The following ROBO2 variants were observed in gnomAD, a reference collection of about 807,000 sequenced individuals.
ROBO2 encodes roundabout homolog 2.
In ROBO2, 53 loss-of-function variants were observed where a neutral mutation model predicts 160.8. The observed-to-expected ratio is 0.33, with a 90% CI of 0.26 to 0.41. The LOEUF (loss-of-function observed/expected upper bound fraction) is 0.41. ROBO2 is among the 10% of genes least tolerant of loss of function. The pLI, the probability that ROBO2 is intolerant of heterozygous loss-of-function variation, is 1.00. For synonymous variants in ROBO2, 664 were observed against 611.7 expected (o/e 1.09, Z -1.26); for missense variants, 1,577 against 1,722.4 (o/e 0.92, Z 1.49).
At chr3:77,166,618 G>C (rs2079104658) in intron 2 of ROBO2, among the ~76,000 whole-genome samples, 1 of 152,100 alleles carries the variant, frequency 6.6e-6, no homozygotes, top group Non-Finnish European at 1.5e-5. Flanking sequence ...GGGTGCGGTG[G>C]CGCCATCTTG....
Position 77,617,789 on chromosome 3 carries a change from A to T in ROBO2, c.3554+16A>T. 1 of 1,611,292 alleles carries T rather than the reference A, an allele frequency of 6.2e-7. No homozygotes were observed. The highest frequency in any genetic ancestry group is 8.5e-7 in the Non-Finnish European group (1 of 1,179,926). On this transcript the variant is annotated intron_variant, in intron 22 of 25. Transcript: ENST00000461745. ...AACAAACATGGTAAATATCTTCATT[A>T]AGTCAAGAGACCCATGCTTTCAACA...
rs558381906 is a variant in ROBO2, at chr3:76,879,699, T to C, written c.110-218315T>C. The stretch of plus-strand genomic sequence containing the variant: ...TCCAGAGTCATTAAACTGATGATCA[T>C]ATGATAATAATAATGAAACTAATAT... On this transcript the variant is annotated intron_variant, in intron 2 of 26. Transcript: ENST00000487694. Among the ~76,000 whole-genome samples the C allele has an allele frequency of 2.6e-5, 4 of 152,232 alleles. No homozygotes were observed. The South Asian group carries it at 8.3e-4, about 32-fold the overall frequency.
At chr3:76,604,035 T>C (rs1416128549) in intron 2 of ROBO2, among the ~76,000 whole-genome samples, 1 of 152,294 alleles carries the variant, frequency 6.6e-6, no homozygotes, top group East Asian at 1.9e-4. Context: ...AAATTGATTG[T>C]ATAAAAGCCA....
chr3:76,620,476 T>C (rs1386990773), intron 2 of ROBO2, among the ~76,000 whole-genome samples: 1 of 152,176 alleles, frequency 6.6e-6, no homozygotes, highest in Non-Finnish European at 1.5e-5. Flanking sequence ...TTCTAGGAGT[T>C]AGTAGTTGCT....
At chr3:77,054,461 A>G (rs1281397059) in intron 1 of ROBO2, among the ~76,000 whole-genome samples, 8 of 152,130 alleles carry the variant, frequency 5.3e-5, no homozygotes, top group African/African-American at 1.9e-4. Flanking sequence ...CTTCCAGTAG[A>G]AGAAAGTATT....
chr3:77,578,103 A>G (rs531776107), intron 15 of ROBO2, among the ~76,000 whole-genome samples: 1 of 151,856 alleles, frequency 6.6e-6, no homozygotes, highest in East Asian at 1.9e-4. Flanking sequence ...AGAATATTTC[A>G]CCTGAAAAAA....
chr3:76,361,366 A>C (rs2108390095), intron 2 of ROBO2, among the ~76,000 whole-genome samples: 2 of 152,232 alleles, frequency 1.3e-5, no homozygotes, highest in South Asian at 4.1e-4. Flanking sequence ...CTGAGAAAAT[A>C]ACAGAAAGTA....
chr3:77,279,697 C>A (rs2060120790), intron 2 of ROBO2, among the ~76,000 whole-genome samples: 1 of 151,626 alleles, frequency 6.6e-6, no homozygotes, highest in South Asian at 2.1e-4. Flanking sequence ...ATTAAAGACA[C>A]AATATTAAAT....
chr3:76,267,915 T>G (rs560516054), intron 2 of ROBO2, among the ~76,000 whole-genome samples: 91 of 152,316 alleles, frequency 6.0e-4, no homozygotes, highest in African/African-American at 2.0e-3. Flanking sequence ...ACCTCACAGC[T>G]GTACTATGCT....
At chr3:76,072,286 C>G (rs1373691373) in intron 2 of ROBO2, among the ~76,000 whole-genome samples, 1 of 151,600 alleles carries the variant, frequency 6.6e-6, no homozygotes, top group East Asian at 1.9e-4. Context: ...ATATCAAATT[C>G]TTATTTCCTT....
chr3:76,252,552 A>G (rs984091358), intron 2 of ROBO2, among the ~76,000 whole-genome samples: 1 of 151,830 alleles, frequency 6.6e-6, no homozygotes, highest in Non-Finnish European at 1.5e-5. Flanking sequence ...GTGTGTGCAT[A>G]TTTACATATG....
chr3:76,606,602 A>C (rs1211782666), intron 2 of ROBO2, among the ~76,000 whole-genome samples: 1 of 152,166 alleles, frequency 6.6e-6, no homozygotes, highest in Non-Finnish European at 1.5e-5. Context: ...GGAAAGCAAT[A>C]GTGGTTCCTT....
intron 2 of ROBO2, among the ~76,000 whole-genome samples, chr3:76,574,034 C>T (rs1018846016): frequency 6.6e-6 from 1 of 152,048 alleles, no homozygotes; most frequent in African/African-American, 2.4e-5. Flanking sequence ...CTTAACTCCC[C>T]TGATGAACTA....
intron 2 of ROBO2, among the ~76,000 whole-genome samples, chr3:76,896,417 G>A (rs2074778789): frequency 2.0e-5 from 3 of 152,098 alleles, no homozygotes; most frequent in Middle Eastern, 6.8e-3. Flanking sequence ...TTGTGAGGAT[G>A]TATTGACTAC....
intron 9 of ROBO2, among the ~76,000 whole-genome samples, chr3:77,562,337 G>A (rs1559617951): frequency 1.3e-5 from 2 of 152,030 alleles, no homozygotes; most frequent in Non-Finnish European, 2.9e-5. Context: ...GTAGAGCCCT[G>A]CCATAAAATG....
At chr3:77,213,969 T>C (rs1397038218) in intron 2 of ROBO2, among the ~76,000 whole-genome samples, 1 of 152,192 alleles carries the variant, frequency 6.6e-6, no homozygotes, top group Non-Finnish European at 1.5e-5. Context: ...TCTGTTTTTT[T>C]ACATTTGCTG....
At chr3:76,879,639 G>T (rs769573064) in intron 2 of ROBO2, among the ~76,000 whole-genome samples, 1 of 151,940 alleles carries the variant, frequency 6.6e-6, no homozygotes, top group Non-Finnish European at 1.5e-5. Flanking sequence ...AGAAGCTAGG[G>T]ATACAGTAAT....
At chr3:77,040,337 C>T in exon 1 of ROBO2, 1 of 997,648 alleles carries the variant, frequency 1.0e-6, no homozygotes, top group South Asian at 4.5e-5. Flanking sequence ...GGAAAGAAAA[C>T]CAGTAGGCAG....
chr3:76,941,374 T>C lies in ROBO2; in HGVS notation c.110-156640T>C, dbSNP rs1034595127. 2.6e-5 allele frequency among the ~76,000 whole-genome samples: 4 copies of C among 152,280 alleles called. No individual in the cohort carries two copies. In the East Asian group the frequency reaches 7.7e-4, roughly 29 times the overall value. ...CATTTCAAATGTTTTATTATTATTA[T>C]ATATTAAATGTTTAGAGTATACCCC... On this transcript the variant is annotated intron_variant, in intron 2 of 26. Coordinates refer to the ROBO2 transcript ENST00000487694.
Sources: gnomAD v4.1 joint callset for allele counts (sites outside exome capture counted in the v4.1 genomes callset) on GRCh38, gnomAD v4.1.1 for gene constraint, MANE v1.5 for transcripts, NCBI Gene and HGNC (gene_info 2026-07-23, HGNC 2026-07-21) for gene names.